The following NCKAP5 variants were observed in gnomAD, a reference collection of about 807,000 sequenced individuals.
The protein encoded by NCKAP5 is NCK associated protein 5.
Under a neutral mutation model 167.0 loss-of-function variants are expected in NCKAP5, and 92 were observed. That is an observed-to-expected ratio of 0.55 (90% confidence interval 0.47 to 0.66). NCKAP5 has a LOEUF of 0.66. NCKAP5 is among the 30% of genes least tolerant of loss of function. NCKAP5 has a pLI of 0.00. For missense variants in NCKAP5, 2,378 were observed against 2,315.0 expected, an observed-to-expected ratio of 1.03 and a Z score of -0.56; for synonymous variants, 891 against 877.4, an observed-to-expected ratio of 1.02 and a Z score of -0.27.
At chr2:133,212,352 T>C (rs1297859195) in intron 5 of NCKAP5, among the ~76,000 whole-genome samples, 2 of 152,182 alleles carry the variant, frequency 1.3e-5, no homozygotes, top group African/African-American at 4.8e-5. Context: ...TTCCATTTCA[T>C]TGCTCAAAGA....
intron 3 of NCKAP5, among the ~76,000 whole-genome samples, chr2:133,341,769 T>C (rs755391355): frequency 3.3e-5 from 5 of 152,194 alleles, no homozygotes; most frequent in African/African-American, 4.8e-5. Flanking sequence ...CTATCTTTCC[T>C]GTCTTTACAT....
chr2:132,939,582 C>T (rs1171623728), intron 8 of NCKAP5, among the ~76,000 whole-genome samples: 1 of 151,802 alleles, frequency 6.6e-6, no homozygotes, highest in Non-Finnish European at 1.5e-5. Flanking sequence ...TATTTTTTCT[C>T]AGTTTTTTTA....
At chr2:133,182,848 T>C (rs2084793114) in intron 5 of NCKAP5, among the ~76,000 whole-genome samples, 1 of 151,932 alleles carries the variant, frequency 6.6e-6, no homozygotes, top group African/African-American at 2.4e-5. Flanking sequence ...TTCAATCAAG[T>C]TGACAAATTT....
chr2:132,828,817 C>T (rs1001779920), intron 11 of NCKAP5, among the ~76,000 whole-genome samples: 1 of 152,142 alleles, frequency 6.6e-6, no homozygotes, highest in African/African-American at 2.4e-5. Context: ...CAGGTGTTTC[C>T]TGCTGGCATT....
At chr2:133,436,696 G>A (rs984047969) in intron 3 of NCKAP5, among the ~76,000 whole-genome samples, 1 of 152,046 alleles carries the variant, frequency 6.6e-6, no homozygotes, top group Non-Finnish European at 1.5e-5. Flanking sequence ...CGGCTTCGGC[G>A]TCGCCCTTCT....
At chr2:132,727,595 G>T (rs1426054867) in intron 18 of NCKAP5, among the ~76,000 whole-genome samples, 4 of 152,222 alleles carry the variant, frequency 2.6e-5, no homozygotes, top group Admixed American at 2.6e-4. Context: ...GCACTGATCT[G>T]GAGGAGCCCT....
At chr2:133,654,100 T>G in the NCKAP5 span, among the ~76,000 whole-genome samples, 1 of 152,114 alleles carries the variant, frequency 6.6e-6, no homozygotes, top group Non-Finnish European at 1.5e-5. Context: ...AATAAATTCC[T>G]CAGCTGGGCG....
chr2:132,806,389 C>T (rs111505633), intron 11 of NCKAP5, among the ~76,000 whole-genome samples: 6 of 152,142 alleles, frequency 3.9e-5, no homozygotes, highest in South Asian at 2.1e-4. Flanking sequence ...ACATTCCCAG[C>T]GGCAGTGTAG....
rs2077993852 is a variant in NCKAP5, at chr2:133,007,064, G to A, written c.342-12825C>T. Among the ~76,000 whole-genome samples the A allele has an allele frequency of 2.0e-5, 3 of 152,090 alleles. No homozygotes were observed. In the South Asian group the frequency reaches 6.2e-4, roughly 32 times the overall value. On this transcript the variant is annotated intron_variant, in intron 6 of 19. Transcript: ENST00000409261. ...AATCCTCTTTCAGCCTCAACTCTTGGGGCCATAATATGGTCAGTGTAACCT... is the reference window on the plus strand; with the variant it reads ...AATCCTCTTTCAGCCTCAACTCTTGAGGCCATAATATGGTCAGTGTAACCT...
chr2:133,561,222 A>G (rs1688133095), intron 1 of NCKAP5, among the ~76,000 whole-genome samples: 1 of 152,228 alleles, frequency 6.6e-6, no homozygotes, highest in Non-Finnish European at 1.5e-5. Context: ...CCTGTATGTG[A>G]AATTTTACTT....
In NCKAP5 at chr2:133,317,796, G is replaced by C. The variant is rs78045790; in HGVS notation, c.70-14686C>G. Among the ~76,000 whole-genome samples, 1,304 of 152,258 alleles carry C rather than the reference G, an allele frequency of 8.6e-3. 29 individuals carry two copies. The highest frequency in any genetic ancestry group is 0.073 in the South Asian group (353 of 4,818). On this transcript the variant is annotated intron_variant, in intron 3 of 19. Coordinates refer to ENST00000409261, the MANE Select transcript of NCKAP5 (RefSeq NM_207363.3). ...GATGCCCTATGCCAACACCAGGACT[G>C]GTATAATGGGTATAGGTGCAAAGCA...
intron 5 of NCKAP5, among the ~76,000 whole-genome samples, chr2:133,179,840 G>C (rs1465180358): frequency 1.3e-5 from 2 of 151,960 alleles, no homozygotes; most frequent in South Asian, 2.1e-4. Context: ...CAGTGTCTCA[G>C]GAATGTGTAG....
At chr2:133,338,984 C>T (rs142689570) in intron 3 of NCKAP5, among the ~76,000 whole-genome samples, 1,986 of 152,224 alleles carry the variant, frequency 0.013, 25 homozygotes, top group Non-Finnish European at 0.02. Flanking sequence ...CTTGCCACTG[C>T]ACTGCAGCCT....
At chr2:133,615,597 C>A in the NCKAP5 span, among the ~76,000 whole-genome samples, 1 of 152,192 alleles carries the variant, frequency 6.6e-6, no homozygotes, top group Non-Finnish European at 1.5e-5. Context: ...ACAAGAAGAG[C>A]TAACTATCCT....
intron 8 of NCKAP5, among the ~76,000 whole-genome samples, chr2:132,943,258 T>C (rs1427943672): frequency 6.6e-6 from 1 of 152,266 alleles, no homozygotes; most frequent in Non-Finnish European, 1.5e-5. Flanking sequence ...TCTCATATTT[T>C]AACAACTAAG....
chr2:133,504,659 A>G (rs1028613682), intron 3 of NCKAP5, among the ~76,000 whole-genome samples: 1 of 152,176 alleles, frequency 6.6e-6, no homozygotes, highest in African/African-American at 2.4e-5. Flanking sequence ...TAGAATATCC[A>G]AAAGACCATT....
chr2:132,739,500 T>C (rs1219140840), intron 16 of NCKAP5, among the ~76,000 whole-genome samples: 1 of 152,144 alleles, frequency 6.6e-6, no homozygotes, highest in East Asian at 1.9e-4. Context: ...ACTTAAATAG[T>C]CATAGCTCAT....
At chr2:133,396,627 T>C (rs1001093932) in intron 3 of NCKAP5, among the ~76,000 whole-genome samples, 2 of 151,712 alleles carry the variant, frequency 1.3e-5, no homozygotes, top group Non-Finnish European at 2.9e-5. Flanking sequence ...GTGTCCAAGT[T>C]CCCCCCTTTT....
At position 132,784,002 on chromosome 2, in the gene NCKAP5, C is replaced by G; in HGVS notation, c.2809G>C (p.Val937Leu). ...TAGCTGGGCCTGGCCAGCAGGGAGA[C>G]GGACCTGCCTGGAGGGGGCGGAGGG... ...PSPPPPPGRS[V>L]SLLARPSYDY... Residue 937 changes from valine to leucine, a missense_variant, in exon 14 of 20, where the codon GTC becomes CTC. By Grantham distance (32) the Val-to-Leu change is conservative (BLOSUM62 1). Coordinates refer to ENST00000409261, the MANE Select transcript of NCKAP5 (RefSeq NM_207363.3). 6.3e-7 allele frequency: 1 copy of G among 1,585,756 alleles called. No homozygotes were observed.
Sources: gnomAD v4.1 joint callset for allele counts (sites outside exome capture counted in the v4.1 genomes callset) on GRCh38, gnomAD v4.1.1 for gene constraint, MANE v1.5 for transcripts, NCBI Gene and HGNC (gene_info 2026-07-23, HGNC 2026-07-21) for gene names.